TOMM20: variants seen among roughly 807,000 people sequenced by gnomAD.
TOMM20 encodes mitochondrial import receptor subunit TOM20 homolog.
In TOMM20, 10 loss-of-function variants were observed where a neutral mutation model predicts 22.1. The ratio of observed to expected loss-of-function variants is 0.45; its 90% CI spans 0.28 to 0.77. The LOEUF (loss-of-function observed/expected upper bound fraction) is 0.77. TOMM20 is among the 30% of genes least tolerant of loss of function. TOMM20 has a pLI of 0.13. For missense variants in TOMM20, 121 were observed against 172.2 expected (o/e 0.70, Z 1.66); for synonymous variants, 55 against 61.4 (o/e 0.90, Z 0.49).
At position 235,128,653 on chromosome 1, in the gene TOMM20, G is replaced by A. The variant is rs1197848596; in HGVS notation, c.63C>T (p.Cys21=). Residue 21 remains cysteine, a synonymous_variant, in exon 1 of 5, where the codon TGC becomes TGT. Transcript: ENST00000366607. ...TTCGTCTTTTGCGGTCGAAGTAGAT[G>A]CAGTACCCAATGAAAAGGGCCCCGC... is the stretch of plus-strand genomic sequence containing the variant. ...GVCGALFIGY[C]IYFDRKRRSD... The A allele has an allele frequency of 1.2e-6, 2 of 1,613,968 alleles. No individual in the cohort carries two copies. The highest frequency in any genetic ancestry group is 8.5e-7 in the Non-Finnish European group (1 of 1,179,964).
chr1:235,122,668 GT>G (rs1335200324), intron 1 of TOMM20, among the ~76,000 whole-genome samples: 1 of 152,186 alleles, frequency 6.6e-6, no homozygotes, highest in Non-Finnish European at 1.5e-5. Context: ...AGCAGATCAA[GT>G]CCCCCCTTCC....
chr1:235,110,546 A>T lies in TOMM20; in HGVS notation c.*1518T>A, dbSNP rs553581180. On this transcript the variant is annotated 3_prime_UTR_variant, in exon 5 of 5. Transcript: ENST00000366607. ...GTTCAGGATCACAAACCCTCAAGAT[A>T]CCCGAGAAAAGTCCTCAAATGTGAG... is the stretch of plus-strand genomic sequence containing the variant. 2 of 152,358 alleles carry T rather than the reference A, an allele frequency of 1.3e-5. No homozygotes were observed. The highest frequency in any genetic ancestry group is 2.1e-4 in the South Asian group (1 of 4,824). The allele number at this position is 152,358 out of a possible 1,614,324, so 9.4% of individuals were successfully genotyped here. A position where few individuals can be genotyped will look rare whatever the true frequency, so the allele number is the denominator to read the frequency against.
At chr1:235,120,135 T>A (rs1660904015) in intron 2 of TOMM20, among the ~76,000 whole-genome samples, 1 of 152,228 alleles carries the variant, frequency 6.6e-6, no homozygotes, top group Non-Finnish European at 1.5e-5. Flanking sequence ...CTAACTCGAA[T>A]GTAAAGAGAA....
intron 1 of TOMM20, chr1:235,127,726 T>C: frequency 2.6e-6 from 1 of 379,358 alleles, no homozygotes. Flanking sequence ...ATGATGCGAA[T>C]GAAGATTCTC....
At chr1:235,117,053 T>C (rs1377151713) in intron 3 of TOMM20, among the ~76,000 whole-genome samples, 3 of 127,900 alleles carry the variant, frequency 2.3e-5, no homozygotes, top group South Asian at 2.5e-4. Flanking sequence ...GAGGATGACA[T>C]GAACCAGGGA....
In TOMM20 at chr1:235,116,991, C is replaced by T. The variant is rs537015418; in HGVS notation, c.250+2827G>A. Among the ~76,000 whole-genome samples, 540 of 150,528 alleles carry T rather than the reference C, an allele frequency of 3.6e-3. 3 individuals are homozygous for T. The highest frequency in any genetic ancestry group is 5.9e-3 in the Non-Finnish European group (398 of 67,532). On this transcript the variant is annotated intron_variant, in intron 3 of 4. Coordinates refer to ENST00000366607, the MANE Select transcript of TOMM20 (RefSeq NM_014765.3). ...TCTACTAAAAATACAAAAAACTAGC[C>T]GGGCGTGGTGGTGGGCGCCTGTAGT... is the stretch of plus-strand genomic sequence containing the variant.
chr1:235,117,185 G>A (rs1367907132), intron 3 of TOMM20, among the ~76,000 whole-genome samples: 3 of 139,580 alleles, frequency 2.1e-5, no homozygotes, highest in Non-Finnish European at 4.6e-5. Flanking sequence ...TAGACCAGGT[G>A]CAGTGGCTCA....
chr1:235,127,526 TG>T (rs1368082784), intron 1 of TOMM20, among the ~76,000 whole-genome samples: 1 of 152,214 alleles, frequency 6.6e-6, no homozygotes, highest in Non-Finnish European at 1.5e-5. Flanking sequence ...ACAGGGCTAC[TG>T]AACACTTGAA....
At chr1:235,116,568 A>C (rs1337623601) in intron 3 of TOMM20, among the ~76,000 whole-genome samples, 1 of 148,532 alleles carries the variant, frequency 6.7e-6, no homozygotes, top group Non-Finnish European at 1.5e-5. Flanking sequence ...GCCTGGTGGC[A>C]CACGCCTGTA....
intron 3 of TOMM20, among the ~76,000 whole-genome samples, chr1:235,116,927 A>T (rs1158903960): frequency 1.3e-5 from 2 of 150,220 alleles, no homozygotes; most frequent in East Asian, 2.0e-4. Flanking sequence ...CAAGGTCAGG[A>T]GATCGAGACC....
chr1:235,115,712 G>A (rs757893906), intron 3 of TOMM20, among the ~76,000 whole-genome samples: 21 of 152,188 alleles, frequency 1.4e-4, no homozygotes, highest in Admixed American at 3.3e-4. Context: ...GTACTTCTGA[G>A]CAGATATTTA....
rs1660738456 is a variant in TOMM20 at position 235,111,584 on chromosome 1, T to C, written c.*480A>G. On this transcript the variant is annotated 3_prime_UTR_variant, in exon 5 of 5. Transcript: ENST00000366607. ...ACATATTTACGTCTCAGAGATTAAA[T>C]GGAAAGAAAGGATCAATCAAAACCT... 6.2e-6 allele frequency: 1 copy of C among 160,470 alleles called. No individual in the cohort carries two copies. The highest frequency in any genetic ancestry group is 2.4e-5 in the African/African-American group (1 of 41,478). The allele number at this position is 160,470 out of a possible 1,614,324, so 9.9% of individuals were successfully genotyped here.
chr1:235,127,239 G>A (rs1227283451), intron 1 of TOMM20, among the ~76,000 whole-genome samples: 3 of 152,182 alleles, frequency 2.0e-5, no homozygotes, highest in African/African-American at 7.2e-5. Context: ...AGAAAACGTG[G>A]AAGGCAATTC....
chr1:235,112,850 A>G (rs1660761342), intron 4 of TOMM20, among the ~76,000 whole-genome samples: 1 of 152,180 alleles, frequency 6.6e-6, no homozygotes, highest in African/African-American at 2.4e-5. Flanking sequence ...GTAATATTAA[A>G]CCGATGATTC....
rs1661084471 is a variant in TOMM20, at chr1:235,128,796, C to T, written c.-81G>A. ...GGCCACGAACCCTCAGAGCGGTCGGCGCAGCTCACACCCGACGGCCGCGGG... is the reference window on the plus strand; with the variant it reads ...GGCCACGAACCCTCAGAGCGGTCGGTGCAGCTCACACCCGACGGCCGCGGG... On this transcript the variant is annotated 5_prime_UTR_variant, in exon 1 of 5. Coordinates refer to ENST00000366607, the MANE Select transcript of TOMM20 (RefSeq NM_014765.3). The T allele has an allele frequency of 1.3e-6, 2 of 1,591,982 alleles. No homozygotes were observed. The highest frequency in any genetic ancestry group is 1.3e-5 in the African/African-American group (1 of 74,402).
Position 235,128,826 on chromosome 1 carries a change from G to C in TOMM20, c.-111C>G. 1.3e-6 allele frequency: 2 copies of C among 1,539,220 alleles called. No individual in the cohort carries two copies. Among genetic ancestry groups the C allele is most frequent in the Non-Finnish European group, 1.7e-6 (2 of 1,143,252 alleles). ...CTCACACCCGACGGCCGCGGGCCAG[G>C]AACACAGAAAGGCCGAGCACACGCC... On this transcript the variant is annotated 5_prime_UTR_variant, in exon 1 of 5. Coordinates refer to ENST00000366607, the MANE Select transcript of TOMM20 (RefSeq NM_014765.3).
chr1:235,128,444 G>C (rs1271580769), intron 1 of TOMM20, 151 bp downstream of exon 1: 2 of 1,254,658 alleles, frequency 1.6e-6, no homozygotes, highest in Non-Finnish European at 2.2e-6. Flanking sequence ...TAGAGCCCCC[G>C]GAGCGGCGCA....
At chr1:235,125,218 A>AT (rs1168161012) in intron 1 of TOMM20, among the ~76,000 whole-genome samples, 1 of 137,852 alleles carries the variant, frequency 7.3e-6, no homozygotes, top group African/African-American at 2.7e-5. Flanking sequence ...TTTATTTTTT[A>AT]TTTTTTTTCT....
At chr1:235,116,969 AC>A (rs1333023971) in intron 3 of TOMM20, among the ~76,000 whole-genome samples, 8 of 150,324 alleles carry the variant, frequency 5.3e-5, no homozygotes, top group Non-Finnish European at 1.0e-4. Flanking sequence ...CCCCGTCTCT[AC>A]TAAAAATACA....
Sources: gnomAD v4.1 joint callset for allele counts (sites outside exome capture counted in the v4.1 genomes callset) on GRCh38, gnomAD v4.1.1 for gene constraint, MANE v1.5 for transcripts, NCBI Gene and HGNC (gene_info 2026-07-23, HGNC 2026-07-21) for gene names.